Variants in ZBTB7C observed in about 807,000 individuals in gnomAD.
The protein encoded by ZBTB7C is zinc finger and BTB domain containing 7C.
ZBTB7C carries 8 observed loss-of-function variants against 25.7 expected under a neutral mutation model. That is an observed-to-expected ratio of 0.31 (90% CI 0.18 to 0.56). The LOEUF (loss-of-function observed/expected upper bound fraction) is 0.56, where lower values mean the gene tolerates loss of function less well. ZBTB7C is among the 20% of genes least tolerant of loss of function. ZBTB7C has a pLI of 0.91. For missense variants in ZBTB7C, 824 were observed against 855.2 expected (o/e 0.96, Z 0.46); for synonymous variants, 394 against 369.0 (o/e 1.07, Z -0.78).
chr18:48,371,291 C>G (rs1396273070), intron 1 of ZBTB7C, among the ~76,000 whole-genome samples: 1 of 152,198 alleles, frequency 6.6e-6, no homozygotes, highest in African/African-American at 2.4e-5. Flanking sequence ...TGAAAAAATA[C>G]TGCTCTGAAG....
At chr18:48,266,680 A>G (rs1426134547) in intron 2 of ZBTB7C, among the ~76,000 whole-genome samples, 1 of 152,206 alleles carries the variant, frequency 6.6e-6, no homozygotes, top group Non-Finnish European at 1.5e-5. Flanking sequence ...CACAGGGGCA[A>G]GCTTCTGGCC....
intron 3 of ZBTB7C, among the ~76,000 whole-genome samples, chr18:48,103,089 TTATA>T (rs869186380): frequency 0.016 from 1,992 of 122,238 alleles, 50 homozygotes; most frequent in African/African-American, 0.061. Flanking sequence ...TATATATATC[TTATA>T]TATATTATAT....
At chr18:48,367,131 G>A (rs2047239939) in intron 1 of ZBTB7C, among the ~76,000 whole-genome samples, 1 of 140,746 alleles carries the variant, frequency 7.1e-6, no homozygotes, top group African/African-American at 2.7e-5. Flanking sequence ...CCCCTTCTGG[G>A]AAGATGAAGT....
intron 2 of ZBTB7C, among the ~76,000 whole-genome samples, chr18:48,188,914 C>T (rs1030981400): frequency 1.3e-5 from 2 of 152,226 alleles, no homozygotes; most frequent in African/African-American, 2.4e-5. Flanking sequence ...AGATCCCTCC[C>T]AGTTGTACTT....
chr18:48,263,433 C>G (rs980931089), intron 2 of ZBTB7C, among the ~76,000 whole-genome samples: 12 of 152,220 alleles, frequency 7.9e-5, no homozygotes, highest in African/African-American at 2.9e-4. Flanking sequence ...AGCCACTCGT[C>G]CAGACATCAG....
chr18:48,152,643 A>G (rs2040713833), intron 3 of ZBTB7C, among the ~76,000 whole-genome samples: 1 of 152,262 alleles, frequency 6.6e-6, no homozygotes, highest in East Asian at 1.9e-4. Flanking sequence ...TGAGGTGTTC[A>G]GAGTCACTGC....
intron 3 of ZBTB7C, among the ~76,000 whole-genome samples, chr18:48,121,589 GT>G (rs1167399690): frequency 6.6e-6 from 1 of 152,094 alleles, no homozygotes; most frequent in Non-Finnish European, 1.5e-5. Flanking sequence ...CTCTATGAGG[GT>G]GTCTCCCTAG....
At chr18:48,054,012 A>C (rs2036809550) in intron 3 of ZBTB7C, among the ~76,000 whole-genome samples, 1 of 152,226 alleles carries the variant, frequency 6.6e-6, no homozygotes, top group South Asian at 2.1e-4. Flanking sequence ...ACATGCAGAC[A>C]GGAATGCCAG....
chr18:48,397,442 T>C (rs969384241), intron 1 of ZBTB7C, among the ~76,000 whole-genome samples: 7 of 152,142 alleles, frequency 4.6e-5, no homozygotes, highest in Admixed American at 6.5e-5. Flanking sequence ...TAGAGAGAAT[T>C]TGGGCTCTGG....
At chr18:48,330,301 C>A (rs1287956688) in intron 2 of ZBTB7C, among the ~76,000 whole-genome samples, 1 of 152,188 alleles carries the variant, frequency 6.6e-6, no homozygotes. Flanking sequence ...CTAGGGCCTT[C>A]TCTTTAATTT....
At chr18:48,325,349 G>A (rs916562854) in intron 2 of ZBTB7C, among the ~76,000 whole-genome samples, 1 of 152,230 alleles carries the variant, frequency 6.6e-6, no homozygotes, top group African/African-American at 2.4e-5. Context: ...GTAGCAGCCT[G>A]TAATACAATA....
chr18:48,263,880 T>C (rs543018887), intron 2 of ZBTB7C, among the ~76,000 whole-genome samples: 49 of 152,272 alleles, frequency 3.2e-4, no homozygotes, highest in African/African-American at 1.1e-3. Flanking sequence ...TTTATAGTTA[T>C]AAATTAGCCC....
At chr18:48,388,399 A>G (rs73435299) in intron 1 of ZBTB7C, among the ~76,000 whole-genome samples, 3,565 of 152,222 alleles carry the variant, frequency 0.023, 131 homozygotes, top group African/African-American at 0.079. Context: ...ATTATGTCCT[A>G]TGTTTCCCGC....
At chr18:48,398,374 C>G (rs1413801007) in intron 1 of ZBTB7C, among the ~76,000 whole-genome samples, 2 of 152,218 alleles carry the variant, frequency 1.3e-5, no homozygotes, top group African/African-American at 2.4e-5. Flanking sequence ...TCAAGGTGAG[C>G]TGCCCTTTGG....
intron 2 of ZBTB7C, among the ~76,000 whole-genome samples, chr18:48,281,295 A>C (rs1367270901): frequency 1.3e-5 from 2 of 152,158 alleles, no homozygotes; most frequent in Non-Finnish European, 2.9e-5. Context: ...CTTAAACCTC[A>C]TACAAAAATT....
chr18:48,103,617 C>T (rs1016609583), intron 3 of ZBTB7C, among the ~76,000 whole-genome samples: 3 of 152,192 alleles, frequency 2.0e-5, no homozygotes, highest in African/African-American at 7.2e-5. Flanking sequence ...CTTACATCCC[C>T]ATAAAAACCT....
intron 2 of ZBTB7C, chr18:48,252,480 A>G (rs960624399): frequency 1.3e-5 from 2 of 152,194 alleles, no homozygotes; most frequent in Non-Finnish European, 1.5e-5. Flanking sequence ...CCTCGTTCTT[A>G]AATAATAAAA....
chr18:48,096,545 A>G (rs75220836), intron 3 of ZBTB7C, among the ~76,000 whole-genome samples: 3,148 of 152,270 alleles, frequency 0.021, 38 homozygotes, highest in Non-Finnish European at 0.031. Context: ...GCAAAGAGAG[A>G]GGGCAGAGGG....
At chr18:48,065,019 C>G (rs75240572) in intron 3 of ZBTB7C, among the ~76,000 whole-genome samples, 4 of 152,196 alleles carry the variant, frequency 2.6e-5, no homozygotes, top group African/African-American at 9.7e-5. Context: ...CTAACATGTC[C>G]TTTTGGTTGG....
Sources: allele counts gnomAD v4.1 joint callset (sites outside exome capture counted in the v4.1 genomes callset), GRCh38; gene constraint gnomAD v4.1.1; transcripts MANE v1.5; gene names NCBI Gene and HGNC (gene_info 2026-07-23, HGNC 2026-07-21).